Variants in XPO6 observed in about 807,000 individuals in gnomAD.
The protein encoded by XPO6 is exportin 6.
A neutral mutation model predicts 130.0 loss-of-function variants in XPO6; 3 were observed. The ratio of observed to expected loss-of-function variants is 0.02; its 90% CI spans 0.01 to 0.06. The LOEUF is 0.06. Ranked by LOEUF, XPO6 falls within the 10% of genes least tolerant of loss-of-function variation. XPO6 has a pLI of 1.00. For missense variants in XPO6, 970 were observed against 1,393.0 expected, an observed-to-expected ratio of 0.70 and a Z score of 4.83; for synonymous variants, 524 against 548.9, an observed-to-expected ratio of 0.95 and a Z score of 0.63.
chr16:28,211,775 G>A lies in XPO6; in HGVS notation c.-407C>T, dbSNP rs2044137677. 6 of 295,068 alleles carry A rather than the reference G, an allele frequency of 2.0e-5. No individual in the cohort carries two copies. In the East Asian group the frequency reaches 3.4e-4, roughly 17 times the overall value. The allele number at this position is 295,068 out of a possible 1,614,324, so 18.3% of individuals were successfully genotyped here. ...CCCCGAGGCTGAACGGGCGGAGGCT[G>A]ACAGGCCTCGACCGCGCGGCCCAGG... is the stretch of plus-strand genomic sequence containing the variant. On this transcript the variant is annotated 5_prime_UTR_variant, in exon 1 of 24. Coordinates refer to ENST00000304658, the MANE Select transcript of XPO6 (RefSeq NM_015171.4).
intron 7 of XPO6, chr16:28,154,331 A>G (rs2043148148): frequency 3.1e-6 from 3 of 955,424 alleles, no homozygotes; most frequent in South Asian, 9.7e-5. Context: ...ATCTAACCCA[A>G]TTTTTTAAAA....
At chr16:28,141,205 C>T (rs904659914) in intron 9 of XPO6, among the ~76,000 whole-genome samples, 8 of 152,208 alleles carry the variant, frequency 5.3e-5, no homozygotes, top group Non-Finnish European at 1.0e-4. Flanking sequence ...CTAATGTCAC[C>T]AGAATCCCTA....
Position 28,211,752 on chromosome 16 carries a change from C to T in XPO6, c.-384G>A. 5.9e-6 allele frequency: 2 copies of T among 337,650 alleles called. No individual in the cohort carries two copies. The highest frequency in any genetic ancestry group is 1.1e-5 in the Non-Finnish European group (2 of 187,138). 20.9% of individuals were successfully genotyped at this position (337,650 alleles called of 1,614,324 possible). A position where few individuals can be genotyped will look rare whatever the true frequency, so the allele number is the denominator to read the frequency against. On this transcript the variant is annotated 5_prime_UTR_variant, in exon 1 of 24. Transcript: ENST00000304658. Reference sequence around the variant, plus strand: ...GGCAGAGGTGGCGGCGGCCCCGGCCCCGAGGCTGAACGGGCGGAGGCTGAC... The same window carrying T: ...GGCAGAGGTGGCGGCGGCCCCGGCCTCGAGGCTGAACGGGCGGAGGCTGAC...
At chr16:28,109,301 C>CTTTTTTT (rs77303555) in intron 17 of XPO6, among the ~76,000 whole-genome samples, 1 of 141,642 alleles carries the variant, frequency 7.1e-6, no homozygotes, top group African/African-American at 2.6e-5. Flanking sequence ...TTTTTCTTTT[C>CTTTTTTT]TTTTTTTTTT....
chr16:28,162,175 G>A (rs1192051377), intron 6 of XPO6, among the ~76,000 whole-genome samples: 5 of 152,254 alleles, frequency 3.3e-5, no homozygotes, highest in Non-Finnish European at 5.9e-5. Context: ...ATGGAAGTCA[G>A]CATCTGCTAA....
At chr16:28,159,925 C>T (rs1313302091) in intron 6 of XPO6, among the ~76,000 whole-genome samples, 1 of 152,170 alleles carries the variant, frequency 6.6e-6, no homozygotes, top group Admixed American at 6.5e-5. Flanking sequence ...GTCGCTCACG[C>T]CTGTAATCCC....
chr16:28,142,512 G>A (rs376094886), intron 9 of XPO6, among the ~76,000 whole-genome samples: 4 of 152,294 alleles, frequency 2.6e-5, no homozygotes, highest in African/African-American at 4.8e-5. Context: ...TTCCCCAGAC[G>A]GTGGTTACTA....
At position 28,101,016 on chromosome 16, in the gene XPO6, C is replaced by T. The variant is rs1042468726; in HGVS notation, c.3276+442G>A. On this transcript the variant is annotated intron_variant, in intron 23 of 23. Coordinates refer to ENST00000304658, the MANE Select transcript of XPO6 (RefSeq NM_015171.4). This position sits in a 1 kb window ranked among gnomAD's most constrained non-coding sequence, Gnocchi z 5.4. ...TGGTCTGGAAAGAGCCCAAGACAGC[C>T]GGGGAACCTGGGTCCCACCTCTAAC... 2 of 276,340 alleles carry T rather than the reference C, an allele frequency of 7.2e-6. No individual in the cohort carries two copies. Among genetic ancestry groups the T allele is most frequent in the African/African-American group, 2.2e-5 (1 of 44,922 alleles). The allele number at this position is 276,340 out of a possible 1,614,324, so 17.1% of individuals were successfully genotyped here. A position where few individuals can be genotyped will look rare whatever the true frequency, so the allele number is the denominator to read the frequency against.
Position 28,106,332 on chromosome 16 carries a change from C to T in XPO6, c.2612+51G>A. 7 of 1,607,824 alleles carry T rather than the reference C, an allele frequency of 4.4e-6. No individual in the cohort carries two copies. The highest frequency in any genetic ancestry group is 6.0e-6 in the Non-Finnish European group (7 of 1,174,550). On this transcript the variant is annotated intron_variant, in intron 19 of 23. Coordinates refer to ENST00000304658, the MANE Select transcript of XPO6 (RefSeq NM_015171.4). This position sits in a 1 kb window ranked among gnomAD's most constrained non-coding sequence, Gnocchi z 4.2. ...AAAAGCCACACTTTGTCGCCAGACC[C>T]ACCACTTCTCCCTTGAATCTGAAAA... is the stretch of plus-strand genomic sequence containing the variant.
chr16:28,145,284 T>C (rs1324396127), intron 9 of XPO6, among the ~76,000 whole-genome samples: 1 of 152,182 alleles, frequency 6.6e-6, no homozygotes, highest in Non-Finnish European at 1.5e-5. Context: ...TAAGAAAAGC[T>C]GCCACATTTA....
chr16:28,105,900 C>T (rs1446212901), intron 20 of XPO6, 143 bp downstream of exon 20: 1 of 1,234,640 alleles, frequency 8.1e-7, no homozygotes, highest in Non-Finnish European at 1.1e-6. Flanking sequence ...CCACTAAAGG[C>T]CTTCTTCCTT....
rs1047162097 is a variant in XPO6 at position 28,105,822 on chromosome 16, G to C, written c.2784+221C>G. The C allele has an allele frequency of 7.9e-5, 50 of 629,498 alleles. No individual in the cohort carries two copies. The African/African-American group carries it at 8.9e-4, about 11-fold the overall frequency. The allele number at this position is 629,498 out of a possible 1,614,324, so 39.0% of individuals were successfully genotyped here. ...ACTGATCTTAGCAACTGACCCTGTG[G>C]AATAACTGCCATGCTTACACTAGAC... On this transcript the variant is annotated intron_variant, in intron 20 of 23. Coordinates refer to ENST00000304658, the MANE Select transcript of XPO6 (RefSeq NM_015171.4).
chr16:28,178,570 C>A (rs765926557), intron 2 of XPO6, among the ~76,000 whole-genome samples: 7 of 150,176 alleles, frequency 4.7e-5, no homozygotes, highest in Non-Finnish European at 1.0e-4. Context: ...GGATTATAAG[C>A]ATGAGACACC....
intron 1 of XPO6, among the ~76,000 whole-genome samples, chr16:28,194,605 C>G (rs1210776185): frequency 6.6e-6 from 1 of 152,184 alleles, no homozygotes; most frequent in Non-Finnish European, 1.5e-5. Flanking sequence ...CCAAGAATCC[C>G]TATGGGCCTA....
intron 1 of XPO6, among the ~76,000 whole-genome samples, chr16:28,182,327 A>T (rs1050923588): frequency 2.0e-5 from 3 of 152,140 alleles, no homozygotes; most frequent in African/African-American, 7.2e-5. Flanking sequence ...AAAAACCAGC[A>T]CTTCTCAGTA....
At chr16:28,159,306 C>A (rs543911101) in intron 6 of XPO6, among the ~76,000 whole-genome samples, 2 of 152,084 alleles carry the variant, frequency 1.3e-5, no homozygotes, top group African/African-American at 4.8e-5. Flanking sequence ...CATGACTCTA[C>A]AACATGAAAG....
chr16:28,178,590 T>C (rs1331811094), intron 2 of XPO6, among the ~76,000 whole-genome samples: 2 of 109,360 alleles, frequency 1.8e-5, no homozygotes, highest in African/African-American at 2.8e-5. Context: ...CACGCACAGA[T>C]GGCTATTTAA....
intron 1 of XPO6, among the ~76,000 whole-genome samples, chr16:28,205,480 C>T (rs2044014076): frequency 6.6e-6 from 1 of 152,166 alleles, no homozygotes; most frequent in Non-Finnish European, 1.5e-5. Context: ...CTCAGCCAAT[C>T]TCTCTCAGGT....
At chr16:28,115,397 T>A (rs979956724) in intron 15 of XPO6, among the ~76,000 whole-genome samples, 1 of 152,230 alleles carries the variant, frequency 6.6e-6, no homozygotes, top group African/African-American at 2.4e-5. Flanking sequence ...ACTAATATCT[T>A]TGAACATCTC....
Sources: gnomAD v4.1 joint callset for allele counts (sites outside exome capture counted in the v4.1 genomes callset) on GRCh38, gnomAD v4.1.1 for gene constraint, Gnocchi (gnomAD v3.1) non-coding constraint, MANE v1.5 for transcripts, NCBI Gene and HGNC (gene_info 2026-07-23, HGNC 2026-07-21) for gene names.